PDE7B: variants seen among roughly 807,000 people sequenced by gnomAD.
PDE7B encodes the protein phosphodiesterase 7B, also known as 3',5'-cyclic-AMP phosphodiesterase 7B.
A neutral mutation model predicts 56.2 loss-of-function variants in PDE7B; 29 were observed. That is an observed-to-expected ratio of 0.52 (90% CI 0.38 to 0.70). The LOEUF is 0.70. Ranked by LOEUF, PDE7B falls within the 30% of genes least tolerant of loss-of-function variation. The pLI is 0.00. For missense variants in PDE7B, 490 were observed against 565.0 expected (o/e 0.87, Z 1.35); for synonymous variants, 197 against 196.9 (o/e 1.00, Z 0.00).
At chr6:136,184,406 T>A (rs2068003894) in intron 11 of PDE7B, among the ~76,000 whole-genome samples, 1 of 152,238 alleles carries the variant, frequency 6.6e-6, no homozygotes, top group African/African-American at 2.4e-5. Flanking sequence ...TGTTCTATAC[T>A]TTCCAATATG....
At position 136,126,782 on chromosome 6, in the gene PDE7B, T is replaced by C. The variant is rs570761672; in HGVS notation, c.166+17968T>C. Among the ~76,000 whole-genome samples, 15 of 152,222 alleles carry C rather than the reference T, an allele frequency of 9.9e-5. No homozygotes were observed. In the East Asian group the frequency reaches 1.5e-3, roughly 16 times the overall value. On this transcript the variant is annotated intron_variant, in intron 3 of 12. Transcript: ENST00000308191. Reference sequence around the variant, plus strand: ...ATGCAAAGGCGTAAGAATGCCACAGTGGACTCTGGGGACTCGGGGAAAGGA... The same window carrying C: ...ATGCAAAGGCGTAAGAATGCCACAGCGGACTCTGGGGACTCGGGGAAAGGA...
chr6:136,005,637 A>C (rs1311494817), intron 2 of PDE7B, among the ~76,000 whole-genome samples: 5 of 152,230 alleles, frequency 3.3e-5, no homozygotes, highest in Non-Finnish European at 7.3e-5. Context: ...GAGAAATGCA[A>C]ATCAAAACCA....
intron 1 of PDE7B, among the ~76,000 whole-genome samples, chr6:135,881,280 A>G (rs1282206896): frequency 6.6e-6 from 1 of 151,588 alleles, no homozygotes; most frequent in Non-Finnish European, 1.5e-5. Flanking sequence ...GGCGGATCAC[A>G]AGGTCAAGAG....
At position 135,927,316 on chromosome 6, in the gene PDE7B, G is replaced by T. The variant is rs138224096; in HGVS notation, c.22-20148G>T. Reference sequence around the variant, plus strand: ...TGTAGTATAGTTTGAAGTTCAGGTAGTGTGAGGCCTCCAGCTTTGTTCTTT... The same window carrying T: ...TGTAGTATAGTTTGAAGTTCAGGTATTGTGAGGCCTCCAGCTTTGTTCTTT... On this transcript the variant is annotated intron_variant, in intron 1 of 12. Transcript: ENST00000308191. Among the ~76,000 whole-genome samples the T allele has an allele frequency of 4.3e-3, 651 of 152,238 alleles. 8 individuals are homozygous for T. The highest frequency in any genetic ancestry group is 0.015 in the African/African-American group (619 of 41,566).
intron 1 of PDE7B, among the ~76,000 whole-genome samples, chr6:135,856,462 AC>A (rs1458738762): frequency 6.6e-6 from 1 of 152,156 alleles, no homozygotes; most frequent in Non-Finnish European, 1.5e-5. Context: ...ATAAATGAAA[AC>A]CTGTTGATAA....
At chr6:135,949,479 A>G (rs970720359) in intron 2 of PDE7B, among the ~76,000 whole-genome samples, 2 of 152,122 alleles carry the variant, frequency 1.3e-5, no homozygotes, top group African/African-American at 2.4e-5. Context: ...AAATTCTAAA[A>G]TTAGAAATGC....
chr6:135,889,814 G>A lies in PDE7B; in HGVS notation c.21+37795G>A, dbSNP rs1049374796. ...TCTGTCACCCGGGAGTGCAAATGAC[G>A]CGATCTCAGCTCACTGCAACCTCTG... On this transcript the variant is annotated intron_variant, in intron 1 of 12. Coordinates refer to ENST00000308191, the MANE Select transcript of PDE7B (RefSeq NM_018945.4). 1.1e-4 allele frequency among the ~76,000 whole-genome samples: 14 copies of A among 128,586 alleles called. No homozygotes were observed. The East Asian group carries it at 2.1e-3, about 19-fold the overall frequency. 84.4% of individuals were successfully genotyped at this position (128,586 alleles called of 152,430 possible).
chr6:135,904,519 T>G (rs1423696460), intron 1 of PDE7B, among the ~76,000 whole-genome samples: 1 of 152,176 alleles, frequency 6.6e-6, no homozygotes, highest in African/African-American at 2.4e-5. Flanking sequence ...CCTTTCTCCA[T>G]TTCCAAATGG....
chr6:135,945,790 G>A (rs1443899112), intron 1 of PDE7B, among the ~76,000 whole-genome samples: 1 of 152,170 alleles, frequency 6.6e-6, no homozygotes, highest in Non-Finnish European at 1.5e-5. Context: ...GTGAGAACAA[G>A]TTATTGATGA....
At chr6:136,084,689 C>A (rs1477768987) in intron 2 of PDE7B, among the ~76,000 whole-genome samples, 1 of 152,116 alleles carries the variant, frequency 6.6e-6, no homozygotes, top group African/African-American at 2.4e-5. Flanking sequence ...AGGCAAATTG[C>A]CAGATGCCAT....
intron 2 of PDE7B, among the ~76,000 whole-genome samples, chr6:136,088,872 GAGGTAATAAAATTTGGC>G (rs1777336737): frequency 6.6e-6 from 1 of 151,898 alleles, no homozygotes; most frequent in African/African-American, 2.4e-5. Context: ...TTTAAAATGT[GAGGTAATAAAATTTGGC>G]AGGGGGTGGA....
At chr6:136,007,985 C>T (rs77940626) in intron 2 of PDE7B, among the ~76,000 whole-genome samples, 2 of 144,696 alleles carry the variant, frequency 1.4e-5, no homozygotes, top group Non-Finnish European at 3.0e-5. Flanking sequence ...CCTCCCCCAT[C>T]CCCCCACCCC....
rs71006787 is a variant in PDE7B, at chr6:136,148,470, A to AAGGCAGGCAGGCAGGCAGGCAGGC, written c.319-611_319-588dup. On this transcript the variant is annotated intron_variant, in intron 4 of 12. Transcript: ENST00000308191. ...GTGGGAGGGAGGGAGGGAAGGAAGG[A>AAGGCAGGCAGGCAGGCAGGCAGGC]AGGCAGGCAGGCAGGCAGGCAGGCA... Among the ~76,000 whole-genome samples the AAGGCAGGCAGGCAGGCAGGCAGGC allele has an allele frequency of 4.5e-3, 589 of 130,166 alleles. 8 individuals carry two copies. The highest frequency in any genetic ancestry group is 0.014 in the African/African-American group (478 of 34,022). 85.4% of individuals were successfully genotyped at this position (130,166 alleles called of 152,430 possible).
intron 1 of PDE7B, among the ~76,000 whole-genome samples, chr6:135,925,597 G>A (rs1465692060): frequency 1.3e-5 from 2 of 151,670 alleles, no homozygotes; most frequent in African/African-American, 4.8e-5. Flanking sequence ...AACACCCAAG[G>A]GACTTCAGCA....
chr6:135,910,509 A>C (rs1265572335), intron 1 of PDE7B, among the ~76,000 whole-genome samples: 6 of 152,204 alleles, frequency 3.9e-5, no homozygotes, highest in Non-Finnish European at 8.8e-5. Context: ...TTGCCCCCAC[A>C]CAGGCATAGC....
chr6:135,901,464 G>A (rs1775998431), intron 1 of PDE7B, among the ~76,000 whole-genome samples: 1 of 152,148 alleles, frequency 6.6e-6, no homozygotes, highest in Non-Finnish European at 1.5e-5. Flanking sequence ...CCAGCTCATA[G>A]CAGATGACTG....
Position 136,191,851 on chromosome 6 carries a change from A to AACTTAGAC in PDE7B, c.*12_*19dup, listed in dbSNP as rs761163536. On this transcript the variant is annotated 3_prime_UTR_variant, in exon 13 of 13. Transcript: ENST00000308191. ...GGCGACAGCCCCTAGGGGCCGGCCC[A>AACTTAGAC]ACTTAGACGCGGCTCTCCTCCGGCA... The AACTTAGAC allele has an allele frequency of 1.1e-5, 17 of 1,542,870 alleles. 1 individual carries two copies. The South Asian group carries it at 2.0e-4, about 18-fold the overall frequency.
intron 2 of PDE7B, among the ~76,000 whole-genome samples, chr6:136,036,419 CCTT>C (rs1175130523): frequency 6.6e-6 from 1 of 152,190 alleles, no homozygotes; most frequent in Non-Finnish European, 1.5e-5. Context: ...CCCTCTTGCC[CCTT>C]CTTCACCTGT....
At chr6:136,167,131 C>T (rs1267787958) in intron 8 of PDE7B, among the ~76,000 whole-genome samples, 3 of 152,166 alleles carry the variant, frequency 2.0e-5, no homozygotes, top group African/African-American at 7.2e-5. Context: ...CTCACATTTC[C>T]CCATGACTAC....
Sources: allele counts gnomAD v4.1 joint callset (sites outside exome capture counted in the v4.1 genomes callset), GRCh38; gene constraint gnomAD v4.1.1; transcripts MANE v1.5; gene names NCBI Gene and HGNC (gene_info 2026-07-23, HGNC 2026-07-21).